Variants in NRXN3 observed in about 807,000 individuals in gnomAD.
NRXN3 encodes neurexin III.
A neutral mutation model predicts 137.6 loss-of-function variants in NRXN3; 32 were observed. The observed-to-expected ratio is 0.23, with a 90% confidence interval of 0.18 to 0.31. NRXN3 has a LOEUF of 0.31. NRXN3 is among the 10% of genes least tolerant of loss of function. The probability of loss-of-function intolerance (pLI) is 1.00; values close to 1 mark genes in which losing one functional copy is unlikely to be tolerated. For missense variants in NRXN3, 1,574 were observed against 2,062.5 expected (o/e 0.76, Z 4.59); for synonymous variants, 798 against 784.5 (o/e 1.02, Z -0.29).
intron 15 of NRXN3, among the ~76,000 whole-genome samples, chr14:79,390,031 A>T (rs1450897225): frequency 1.3e-5 from 2 of 152,216 alleles, no homozygotes; most frequent in East Asian, 3.9e-4. Flanking sequence ...ATCTACATGA[A>T]TTAGGTCCAG....
intron 20 of NRXN3, among the ~76,000 whole-genome samples, chr14:79,859,452 C>T (rs1347465101): frequency 6.6e-6 from 1 of 152,122 alleles, no homozygotes; most frequent in Non-Finnish European, 1.5e-5. Flanking sequence ...TTTCAGGATG[C>T]AAGGTGTGGA....
intron 15 of NRXN3, among the ~76,000 whole-genome samples, chr14:79,271,080 G>A (rs754224704): frequency 9.9e-5 from 15 of 152,102 alleles, no homozygotes; most frequent in Non-Finnish European, 1.6e-4. Flanking sequence ...TATCTTAGAC[G>A]ATGTACTTTT....
intron 16 of NRXN3, among the ~76,000 whole-genome samples, chr14:79,498,693 A>G (rs1293017559): frequency 6.6e-6 from 1 of 152,174 alleles, no homozygotes; most frequent in African/African-American, 2.4e-5. Context: ...CATGCTCCTC[A>G]CTTCCATCTC....
chr14:78,815,828 A>G (rs982087391), intron 10 of NRXN3, among the ~76,000 whole-genome samples: 4 of 152,176 alleles, frequency 2.6e-5, no homozygotes, highest in African/African-American at 9.7e-5. Flanking sequence ...GTCATTCTCA[A>G]AGGAAATTGT....
In NRXN3 at chr14:78,943,639, T is replaced by A. The variant is rs865989755; in HGVS notation, c.2276-13603T>A. 5.8e-3 allele frequency among the ~76,000 whole-genome samples: 226 copies of A among 38,840 alleles called. 17 individuals are homozygous for A. Among genetic ancestry groups the A allele is most frequent in the African/African-American group, 0.048 (197 of 4,078 alleles). 25.5% of individuals were successfully genotyped at this position (38,840 alleles called of 152,430 possible). Reference sequence around the variant, plus strand: ...AAAAAAAAATATATATATATATATATATATATATATATATATATATATATA... The same window carrying A: ...AAAAAAAAATATATATATATATATAAATATATATATATATATATATATATA... On this transcript the variant is annotated intron_variant, in intron 10 of 20. Transcript: ENST00000335750.
At chr14:79,358,658 A>G (rs902594961) in intron 15 of NRXN3, among the ~76,000 whole-genome samples, 1 of 150,484 alleles carries the variant, frequency 6.6e-6, no homozygotes, top group African/African-American at 2.5e-5. Flanking sequence ...AGAAAGAAAG[A>G]AAGAAAGAAA....
chr14:79,280,142 A>T (rs1275322059), intron 15 of NRXN3: 9 of 1,462,876 alleles, frequency 6.2e-6, no homozygotes, highest in East Asian at 2.4e-5. Flanking sequence ...TAACTGATTC[A>T]TTGTTTGGAA....
At chr14:78,321,227 T>C (rs2079321979) in intron 4 of NRXN3, among the ~76,000 whole-genome samples, 1 of 152,062 alleles carries the variant, frequency 6.6e-6, no homozygotes, top group African/African-American at 2.4e-5. Flanking sequence ...CTTGAGCTCT[T>C]TCCAGTGTCT....
chr14:78,354,582 C>T (rs1368416036), intron 4 of NRXN3, among the ~76,000 whole-genome samples: 3 of 152,136 alleles, frequency 2.0e-5, no homozygotes, highest in Admixed American at 6.5e-5. Flanking sequence ...GGACAATTTT[C>T]TAAAGAATTG....
At chr14:79,803,644 A>G (rs1370645194) in intron 19 of NRXN3, among the ~76,000 whole-genome samples, 3 of 152,070 alleles carry the variant, frequency 2.0e-5, no homozygotes, top group Non-Finnish European at 2.9e-5. Context: ...ACTTCAACAT[A>G]TGAATTTTGA....
chr14:78,989,626 A>G (rs2099514437), intron 15 of NRXN3, among the ~76,000 whole-genome samples: 1 of 152,160 alleles, frequency 6.6e-6, no homozygotes, highest in African/African-American at 2.4e-5. Flanking sequence ...TTCACTCTGA[A>G]ACAGGTAGTT....
rs111495061 is a variant in NRXN3, at chr14:79,649,857, A to G, written c.3445-13921A>G. On this transcript the variant is annotated intron_variant, in intron 16 of 20. Transcript: ENST00000335750. ...CTTGGCTGCTATAACAGAATGGCAT[A>G]GATTGGGTGACTTAAAAACAACAAA... 1.6e-4 allele frequency among the ~76,000 whole-genome samples: 25 copies of G among 152,336 alleles called. 1 individual carries two copies. Among genetic ancestry groups the G allele is most frequent in the African/African-American group, 5.8e-4 (24 of 41,580 alleles).
At chr14:79,547,738 T>C (rs554049802) in intron 16 of NRXN3, among the ~76,000 whole-genome samples, 260 of 152,296 alleles carry the variant, frequency 1.7e-3, no homozygotes, top group African/African-American at 6.0e-3. Flanking sequence ...CATTGATTCA[T>C]TGGGAGGCTT....
At chr14:78,867,389 C>A (rs577087666) in intron 10 of NRXN3, among the ~76,000 whole-genome samples, 59 of 152,226 alleles carry the variant, frequency 3.9e-4, no homozygotes, top group African/African-American at 1.4e-3. Context: ...AAAAAGATGT[C>A]TATTCTGTAT....
intron 10 of NRXN3, among the ~76,000 whole-genome samples, chr14:78,902,780 A>G (rs2099201128): frequency 6.6e-6 from 1 of 151,878 alleles, no homozygotes; most frequent in Non-Finnish European, 1.5e-5. Context: ...TGCTCTGGAA[A>G]TACTAAATGA....
chr14:78,261,654 T>C (rs929025007), intron 2 of NRXN3, among the ~76,000 whole-genome samples: 7 of 152,338 alleles, frequency 4.6e-5, no homozygotes, highest in South Asian at 2.1e-4. Context: ...CCCCAACTCA[T>C]GCATTTTATT....
At chr14:79,230,059 A>G (rs954329725) in intron 15 of NRXN3, among the ~76,000 whole-genome samples, 2 of 152,146 alleles carry the variant, frequency 1.3e-5, no homozygotes, top group Non-Finnish European at 2.9e-5. Context: ...GCTCAGAGTA[A>G]CTAAATGCAG....
intron 4 of NRXN3, among the ~76,000 whole-genome samples, chr14:78,402,922 C>G (rs1185567078): frequency 1.3e-5 from 2 of 152,174 alleles, no homozygotes; most frequent in Admixed American, 6.5e-5. Flanking sequence ...AAATGATGCT[C>G]TCTCCCTGTG....
chr14:79,319,273 C>T (rs74069728), intron 15 of NRXN3, among the ~76,000 whole-genome samples: 9,994 of 152,198 alleles, frequency 0.066, 884 homozygotes, highest in African/African-American at 0.2. Flanking sequence ...AAAATTCTGA[C>T]TGATCATTTC....
Sources: gnomAD v4.1 joint callset for allele counts (sites outside exome capture counted in the v4.1 genomes callset) on GRCh38, gnomAD v4.1.1 for gene constraint, MANE v1.5 for transcripts, NCBI Gene and HGNC (gene_info 2026-07-23, HGNC 2026-07-21) for gene names.